ARFIP2: variants seen among roughly 807,000 people sequenced by gnomAD.
ARFIP2 encodes ARF interacting protein 2.
In ARFIP2, 14 loss-of-function variants were observed where a neutral mutation model predicts 39.2. The ratio of observed to expected loss-of-function variants is 0.36; its 90% CI spans 0.24 to 0.56. The LOEUF is 0.56. Ranked by LOEUF, ARFIP2 falls within the 20% of genes least tolerant of loss-of-function variation. The probability of loss-of-function intolerance (pLI) is 0.85; values close to 1 mark genes in which losing one functional copy is unlikely to be tolerated. For synonymous variants in ARFIP2, 167 were observed against 172.4 expected (o/e 0.97, Z 0.24); for missense variants, 305 against 422.5 (o/e 0.72, Z 2.44).
In ARFIP2 at chr11:6,478,685, C is replaced by T; in HGVS notation, c.537+53G>A. On this transcript the variant is annotated intron_variant, in intron 5 of 7. Transcript: ENST00000396777. The surrounding 1 kb of genome is among the most constrained non-coding windows in gnomAD (Gnocchi z 4.8). ...AGGGAGGGAGGATGAGGAATGACTG[C>T]CTGGGAGGGCCCATGCCCAGTTCCC... The T allele has an allele frequency of 6.4e-7, 1 of 1,568,888 alleles. No individual in the cohort carries two copies. Among genetic ancestry groups the T allele is most frequent in the Non-Finnish European group, 8.7e-7 (1 of 1,153,412 alleles).
rs762694716 is a variant in ARFIP2 at position 6,479,398 on chromosome 11, T to C, written c.197-140A>G. ...GAGACAACTGGATGCTCCTGCTTACTAGGAGGAACTCGGACTTTGCGCGGT... is the reference window on the plus strand; with the variant it reads ...GAGACAACTGGATGCTCCTGCTTACCAGGAGGAACTCGGACTTTGCGCGGT... On this transcript the variant is annotated intron_variant, in intron 3 of 7. Transcript: ENST00000396777. 19 of 1,569,142 alleles carry C rather than the reference T, an allele frequency of 1.2e-5. No individual in the cohort carries two copies. In the South Asian group the frequency reaches 1.9e-4, roughly 16 times the overall value.
At chr11:6,479,362 A>T (rs757403941) in intron 3 of ARFIP2, 104 bp from the exon 4 acceptor site, 1 of 1,604,110 alleles carries the variant, frequency 6.2e-7, no homozygotes, top group South Asian at 1.1e-5. Context: ...ACTTCCCTGA[A>T]GGAGATGCTA....
chr11:6,479,688 C>T (rs1042004878), intron 3 of ARFIP2: 1 of 542,694 alleles, frequency 1.8e-6, no homozygotes, highest in African/African-American at 1.9e-5. Flanking sequence ...AACTCAGCCT[C>T]AAGCTGTAGA....
chr11:6,481,041 CCT>C (rs1246727005), intron 1 of ARFIP2, 188 bp downstream of exon 1: 2 of 215,696 alleles, frequency 9.3e-6, no homozygotes, highest in Non-Finnish European at 9.4e-6. Context: ...CTGGTAAAAG[CCT>C]CTCTCTCCCA....
In ARFIP2 at chr11:6,478,387, A is replaced by G. The variant is rs1468918121; in HGVS notation, c.538-189T>C. Among the ~76,000 whole-genome samples the G allele has an allele frequency of 6.6e-6, 1 of 151,994 alleles. No homozygotes were observed. The highest frequency in any genetic ancestry group is 2.1e-4 in the South Asian group (1 of 4,814). ...CACCCTGGGGATACCTGGGGTAGGA[A>G]TGTGGGTGGTGGGCATTCTTGGGTA... On this transcript the variant is annotated intron_variant, in intron 5 of 7. Coordinates refer to ENST00000396777, the MANE Select transcript of ARFIP2 (RefSeq NM_001376558.2). This position sits in a 1 kb window ranked among gnomAD's most constrained non-coding sequence, Gnocchi z 4.8.
rs1851236550 is a variant in ARFIP2 at position 6,477,713 on chromosome 11, G to A, written c.870+5C>T. On this transcript the variant is annotated splice_donor_5th_base_variant and intron_variant, in intron 7 of 7. Transcript: ENST00000396777. The surrounding 1 kb of genome is among the most constrained non-coding windows in gnomAD (Gnocchi z 4.8). The stretch of plus-strand genomic sequence containing the variant: ...GGGCTAGGGTCAAGGGGGTGGGGTT[G>A]GCACCTTGTTTTCTTCCAGGAACTT... 1.9e-6 allele frequency: 3 copies of A among 1,613,398 alleles called. No homozygotes were observed. Among genetic ancestry groups the A allele is most frequent in the Non-Finnish European group, 1.7e-6 (2 of 1,179,730 alleles).
At position 6,477,919 on chromosome 11, in the gene ARFIP2, C is replaced by T. The variant is rs778582749; in HGVS notation, c.696-27G>A. 1 of 1,612,404 alleles carries T rather than the reference C, an allele frequency of 6.2e-7. No homozygotes were observed. The highest frequency in any genetic ancestry group is 1.1e-5 in the South Asian group (1 of 90,954). ...TGGGGAGGGGGTGATAAAGGCTGGT[C>T]TCCACTCCTTTATCCTCAACACATA... On this transcript the variant is annotated intron_variant, in intron 6 of 7. Transcript: ENST00000396777. This position sits in a 1 kb window ranked among gnomAD's most constrained non-coding sequence, Gnocchi z 4.8.
chr11:6,479,811 G>T, intron 3 of ARFIP2, 161 bp downstream of exon 3: 1 of 701,972 alleles, frequency 1.4e-6, no homozygotes, highest in Non-Finnish European at 2.4e-6. Context: ...GGACAACGCT[G>T]GGAGTTGCTT....
Position 6,478,714 on chromosome 11 carries a change from C to T in ARFIP2, c.537+24G>A. 1.3e-6 allele frequency: 2 copies of T among 1,599,950 alleles called. No individual in the cohort carries two copies. The highest frequency in any genetic ancestry group is 1.7e-6 in the Non-Finnish European group (2 of 1,169,610). ...GGAGGGCCCATGCCCAGTTCCCCCA[C>T]CCTCTTTGGTCTGGGTGAGGCACCT... On this transcript the variant is annotated intron_variant, in intron 5 of 7. Transcript: ENST00000396777. This position sits in a 1 kb window ranked among gnomAD's most constrained non-coding sequence, Gnocchi z 4.8.
chr11:6,479,699 G>A (rs531645763), intron 3 of ARFIP2: 2 of 545,998 alleles, frequency 3.7e-6, no homozygotes, highest in South Asian at 4.7e-5. Flanking sequence ...AAGCTGTAGA[G>A]GGGGGGCATT....
In ARFIP2 at chr11:6,476,735, A is replaced by C. The variant is rs1276674543; in HGVS notation, c.*378T>G. ...GTATTAGACGCAACATCATTGGCCC[A>C]GGGGAGTCCGAGAAGAGCTGCCATT... is the stretch of plus-strand genomic sequence containing the variant. On this transcript the variant is annotated 3_prime_UTR_variant, in exon 8 of 8. Transcript: ENST00000396777. 1.3e-5 allele frequency: 3 copies of C among 231,394 alleles called. No individual in the cohort carries two copies. The highest frequency in any genetic ancestry group is 1.7e-5 in the Non-Finnish European group (2 of 114,850). The allele number at this position is 231,394 out of a possible 1,614,324, so 14.3% of individuals were successfully genotyped here.
intron 3 of ARFIP2, 199 bp from the exon 4 acceptor site, chr11:6,479,457 T>A: frequency 2.9e-6 from 3 of 1,021,062 alleles, no homozygotes; most frequent in Non-Finnish European, 4.3e-6. Flanking sequence ...ATGGCCTCCT[T>A]GGGGGTTAGA....
In ARFIP2 at chr11:6,477,993, C is replaced by T. The variant is rs761743120; in HGVS notation, c.695+48G>A. Reference sequence around the variant, plus strand: ...TATGCCCCTAATGCCCAAATTTCCACCCATACCAGCCAACTCCCCAAACCC... The same window carrying T: ...TATGCCCCTAATGCCCAAATTTCCATCCATACCAGCCAACTCCCCAAACCC... On this transcript the variant is annotated intron_variant, in intron 6 of 7. Transcript: ENST00000396777. This position sits in a 1 kb window ranked among gnomAD's most constrained non-coding sequence, Gnocchi z 4.8. The T allele has an allele frequency of 1.2e-6, 2 of 1,606,972 alleles. No individual in the cohort carries two copies. Among genetic ancestry groups the T allele is most frequent in the South Asian group, 1.1e-5 (1 of 90,804 alleles).
chr11:6,478,621 T>G lies in ARFIP2; in HGVS notation c.537+117A>C, dbSNP rs1851369203. The G allele has an allele frequency of 6.7e-7, 1 of 1,492,878 alleles. No individual in the cohort carries two copies. Among genetic ancestry groups the G allele is most frequent in the Non-Finnish European group, 8.9e-7 (1 of 1,118,724 alleles). The allele number at this position is 1,492,878 out of a possible 1,614,324, so 92.5% of individuals were successfully genotyped here. A position where few individuals can be genotyped will look rare whatever the true frequency, so the allele number is the denominator to read the frequency against. On this transcript the variant is annotated intron_variant, in intron 5 of 7. Transcript: ENST00000396777. The surrounding 1 kb of genome is among the most constrained non-coding windows in gnomAD (Gnocchi z 4.8). ...AGGTGAGTGCTGCTGGGGGTAGGGCTGGGCCCACCCTGAAGGGGTTCTCCC... is the reference window on the plus strand; with the variant it reads ...AGGTGAGTGCTGCTGGGGGTAGGGCGGGGCCCACCCTGAAGGGGTTCTCCC...
chr11:6,480,712 G>A (rs1851653990), intron 1 of ARFIP2: 1 of 319,338 alleles, frequency 3.1e-6, no homozygotes, highest in Non-Finnish European at 5.8e-6. Context: ...CACTCATTCA[G>A]CAGACATTTA....
rs1589850986 is a variant in ARFIP2 at position 6,478,269 on chromosome 11, T to G, written c.538-71A>C. 2 of 1,559,920 alleles carry G rather than the reference T, an allele frequency of 1.3e-6. No homozygotes were observed. Among genetic ancestry groups the G allele is most frequent in the Admixed American group, 1.7e-5 (1 of 57,952 alleles). Reference sequence around the variant, plus strand: ...TGACTGAAGCTGTAGAGCCCTTCATTCCCCTCCTCCCCGGGGAGGACACAG... The same window carrying G: ...TGACTGAAGCTGTAGAGCCCTTCATGCCCCTCCTCCCCGGGGAGGACACAG... On this transcript the variant is annotated intron_variant, in intron 5 of 7. Transcript: ENST00000396777. This position sits in a 1 kb window ranked among gnomAD's most constrained non-coding sequence, Gnocchi z 4.8.
At chr11:6,480,158 A>G in intron 2 of ARFIP2, 90 bp from the exon 3 acceptor site, 3 of 1,335,650 alleles carry the variant, frequency 2.2e-6, no homozygotes. Context: ...CAAGCATCAT[A>G]AAGATAGTAC....
At chr11:6,479,557 G>A (rs1192465305) in intron 3 of ARFIP2, 17 of 591,766 alleles carry the variant, frequency 2.9e-5, no homozygotes, top group Non-Finnish European at 4.5e-5. Context: ...GTCAAGGATG[G>A]TGGGTCATGA....
Position 6,480,053 on chromosome 11 carries a change from T to G in ARFIP2, c.115A>C (p.Met39Leu), listed in dbSNP as rs1211176314. 6.2e-7 allele frequency: 1 copy of G among 1,613,778 alleles called. No homozygotes were observed. The stretch of plus-strand genomic sequence containing the variant: ...TCATTGAGGTTGGGTCCTGACACCA[T>G]CACCTGCTGGAGGTCCTATAGGCCA... The part of the protein sequence containing the change: ...DGLEQDLQQV[M>L]VSGPNLNETS... The change falls in exon 3 of 8, where the codon ATG becomes CTG. Residue 39 changes from methionine to leucine, a missense_variant. This residue lies in a region of ARFIP2 where 151 missense variants were observed against 203.1 expected (regional missense o/e 0.74). Coordinates refer to ENST00000396777, the MANE Select transcript of ARFIP2 (RefSeq NM_001376558.2).
Sources: gnomAD v4.1 joint callset for allele counts (sites outside exome capture counted in the v4.1 genomes callset) on GRCh38, gnomAD v4.1.1 for gene constraint, gnomAD v4.1.1 regional missense constraint, Gnocchi (gnomAD v3.1) non-coding constraint, MANE v1.5 for transcripts, NCBI Gene and HGNC (gene_info 2026-07-23, HGNC 2026-07-21) for gene names.